Variants in CAMK2D observed in about 807,000 individuals in gnomAD.
CAMK2D encodes the protein calcium/calmodulin-dependent protein kinase type II subunit delta.
Under a neutral mutation model 84.0 loss-of-function variants are expected in CAMK2D, and 37 were observed. The observed-to-expected ratio is 0.44, with a 90% CI of 0.34 to 0.58. The LOEUF (loss-of-function observed/expected upper bound fraction) is 0.58, where lower values mean the gene tolerates loss of function less well. Among genes scored for constraint, CAMK2D ranks in the 20% least tolerant of loss-of-function variants. The pLI, the probability that CAMK2D is intolerant of heterozygous loss-of-function variation, is 0.02. For synonymous variants in CAMK2D, 202 were observed against 212.5 expected, an observed-to-expected ratio of 0.95 and a Z score of 0.43; for missense variants, 448 against 652.5, an observed-to-expected ratio of 0.69 and a Z score of 3.41.
intron 16 of CAMK2D, among the ~76,000 whole-genome samples, chr4:113,470,191 A>G (rs532641032): frequency 2.0e-5 from 3 of 151,946 alleles, no homozygotes; most frequent in South Asian, 4.2e-4. Context: ...ATCTTCTCCA[A>G]TCCACTCTTG....
intron 12 of CAMK2D, among the ~76,000 whole-genome samples, chr4:113,510,557 T>C (rs2098197551): frequency 6.6e-6 from 1 of 151,958 alleles, no homozygotes; most frequent in South Asian, 2.1e-4. Context: ...CTAAGGAATG[T>C]GTAGATACAC....
chr4:113,761,674 G>T lies in CAMK2D; in HGVS notation c.-606C>A. 1 of 984,516 alleles carries T rather than the reference G, an allele frequency of 1.0e-6. No individual in the cohort carries two copies. Among genetic ancestry groups the T allele is most frequent in the South Asian group, 4.7e-5 (1 of 21,282 alleles). 61.0% of individuals were successfully genotyped at this position (984,516 alleles called of 1,614,324 possible). A position where few individuals can be genotyped will look rare whatever the true frequency, so the allele number is the denominator to read the frequency against. On this transcript the variant is annotated 5_prime_UTR_variant, in exon 1 of 21. Transcript: ENST00000511664. ...GCGGCAGCGGCTCCGGCGAAGCGAG[G>T]CACCTTGGCGGCCTCGCGCTGCTCA...
At chr4:113,628,832 C>CAA (rs2099077862) in intron 3 of CAMK2D, among the ~76,000 whole-genome samples, 1 of 151,714 alleles carries the variant, frequency 6.6e-6, no homozygotes, top group African/African-American at 2.4e-5. Context: ...ATCTCCTAAA[C>CAA]AAAAATGCTT....
chr4:113,633,266 C>T (rs1320122935), intron 3 of CAMK2D, among the ~76,000 whole-genome samples: 1 of 152,156 alleles, frequency 6.6e-6, no homozygotes, highest in Non-Finnish European at 1.5e-5. Context: ...AAGGTAATTC[C>T]CACTGCAGGT....
At chr4:113,670,288 T>G (rs913989710) in intron 2 of CAMK2D, among the ~76,000 whole-genome samples, 2 of 149,900 alleles carry the variant, frequency 1.3e-5, no homozygotes, top group South Asian at 4.2e-4. Context: ...TCTCAAAAAA[T>G]AAATAAATAA....
chr4:113,746,362 A>G (rs1030462099), intron 2 of CAMK2D, among the ~76,000 whole-genome samples: 5 of 152,144 alleles, frequency 3.3e-5, no homozygotes, highest in Admixed American at 1.3e-4. Flanking sequence ...TCTATAAATC[A>G]TTATTATTTT....
chr4:113,592,113 G>C (rs2098890976), intron 4 of CAMK2D, among the ~76,000 whole-genome samples: 1 of 152,080 alleles, frequency 6.6e-6, no homozygotes, highest in Non-Finnish European at 1.5e-5. Flanking sequence ...CAAAGCTGAG[G>C]GGGGTTGGTG....
At chr4:113,596,104 A>G (rs1461672045) in intron 4 of CAMK2D, among the ~76,000 whole-genome samples, 1 of 152,218 alleles carries the variant, frequency 6.6e-6, no homozygotes, top group African/African-American at 2.4e-5. Context: ...AACAATGTTC[A>G]CAGTATTTTC....
At position 113,455,752 on chromosome 4, in the gene CAMK2D, G is replaced by C; in HGVS notation, c.*3C>G. 13 of 1,609,562 alleles carry C rather than the reference G, an allele frequency of 8.1e-6. No homozygotes were observed. The highest frequency in any genetic ancestry group is 1.1e-5 in the Non-Finnish European group (13 of 1,176,186). ...AGACCCATATGTGAATGGTTTTCAG[G>C]CCTTAGATGTTTTGCCACAAAGAGG... On this transcript the variant is annotated 3_prime_UTR_variant, in exon 20 of 21. Transcript: ENST00000511664.
chr4:113,597,050 C>T (rs1457497994), intron 4 of CAMK2D, among the ~76,000 whole-genome samples: 3 of 152,098 alleles, frequency 2.0e-5, no homozygotes, highest in Non-Finnish European at 4.4e-5. Flanking sequence ...CATCTCCTGA[C>T]CTGGTGATCT....
At chr4:113,728,809 C>A (rs775955554) in intron 2 of CAMK2D, among the ~76,000 whole-genome samples, 4 of 152,026 alleles carry the variant, frequency 2.6e-5, no homozygotes, top group Admixed American at 6.6e-5. Context: ...TAGTGAAGAT[C>A]AAATGAGATA....
At chr4:113,472,131 T>C (rs1366807283) in intron 16 of CAMK2D, among the ~76,000 whole-genome samples, 2 of 152,254 alleles carry the variant, frequency 1.3e-5, no homozygotes, top group Non-Finnish European at 2.9e-5. Flanking sequence ...ACTTTGATCT[T>C]ACTGCATTAT....
At position 113,748,536 on chromosome 4, in the gene CAMK2D, A is replaced by G. The variant is rs72680603; in HGVS notation, c.160+10784T>C. On this transcript the variant is annotated intron_variant, in intron 2 of 20. Coordinates refer to ENST00000511664, the MANE Select transcript of CAMK2D (RefSeq NM_001321571.2). ...AATGTCTATAATAGTGCCAGTCATC[A>G]TAGCAAAAAGCAAAAATTAAAAAAA... Among the ~76,000 whole-genome samples, 1,008 of 152,310 alleles carry G rather than the reference A, an allele frequency of 6.6e-3. 4 individuals carry two copies. Among genetic ancestry groups the G allele is most frequent in the Non-Finnish European group, 0.011 (734 of 67,994 alleles).
chr4:113,650,333 C>A (rs2154301058), intron 3 of CAMK2D, among the ~76,000 whole-genome samples: 1 of 151,836 alleles, frequency 6.6e-6, no homozygotes, highest in African/African-American at 2.4e-5. Context: ...GCCTGGCCAA[C>A]ATGGTGAAAC....
At chr4:113,649,575 C>T (rs1178509454) in intron 3 of CAMK2D, among the ~76,000 whole-genome samples, 1 of 152,188 alleles carries the variant, frequency 6.6e-6, no homozygotes, top group Admixed American at 6.5e-5. Flanking sequence ...AGATTCTTAG[C>T]TTGTATGTTA....
At chr4:113,594,230 T>C (rs148271931) in intron 4 of CAMK2D, among the ~76,000 whole-genome samples, 117 of 152,264 alleles carry the variant, frequency 7.7e-4, no homozygotes, top group African/African-American at 2.7e-3. Flanking sequence ...GCTAAACCAT[T>C]CGTGAGAAAT....
chr4:113,611,818 C>A (rs2099001597), intron 3 of CAMK2D, among the ~76,000 whole-genome samples: 1 of 152,098 alleles, frequency 6.6e-6, no homozygotes, highest in Non-Finnish European at 1.5e-5. Context: ...TGAGACAAAT[C>A]ATTCAGCCAA....
chr4:113,523,887 G>A (rs984371933), intron 8 of CAMK2D, among the ~76,000 whole-genome samples: 10 of 151,540 alleles, frequency 6.6e-5, no homozygotes, highest in African/African-American at 2.2e-4. Flanking sequence ...TTAAAGACAG[G>A]GTCTCACTCT....
intron 4 of CAMK2D, among the ~76,000 whole-genome samples, chr4:113,576,679 T>A (rs1210816796): frequency 6.6e-6 from 1 of 152,196 alleles, no homozygotes; most frequent in Non-Finnish European, 1.5e-5. Flanking sequence ...AAAAATACTT[T>A]TTAACTGCAG....
Sources: gnomAD v4.1 joint callset for allele counts (sites outside exome capture counted in the v4.1 genomes callset) on GRCh38, gnomAD v4.1.1 for gene constraint, MANE v1.5 for transcripts, NCBI Gene and HGNC (gene_info 2026-07-23, HGNC 2026-07-21) for gene names.